The following CNTN3 variants were observed in gnomAD, a reference collection of about 807,000 sequenced individuals.
CNTN3 encodes the protein contactin-3.
A neutral mutation model predicts 119.1 loss-of-function variants in CNTN3; 60 were observed. The observed-to-expected ratio is 0.50, with a 90% CI of 0.41 to 0.62. CNTN3 has a LOEUF of 0.62. CNTN3 is among the 20% of genes least tolerant of loss of function. CNTN3 has a pLI of 0.00. For missense variants in CNTN3, 1,101 were observed against 1,242.4 expected, an observed-to-expected ratio of 0.89 and a Z score of 1.71; for synonymous variants, 450 against 438.7, an observed-to-expected ratio of 1.03 and a Z score of -0.32.
At chr3:74,440,659 T>C (rs1701948291) in intron 4 of CNTN3, among the ~76,000 whole-genome samples, 1 of 152,144 alleles carries the variant, frequency 6.6e-6, no homozygotes, top group Admixed American at 6.5e-5. Flanking sequence ...CTGTTGTTAT[T>C]TATTTTTTTT....
At chr3:74,368,471 A>G (rs1414128099) in intron 8 of CNTN3, among the ~76,000 whole-genome samples, 1 of 152,066 alleles carries the variant, frequency 6.6e-6, no homozygotes, top group Non-Finnish European at 1.5e-5. Context: ...ACGTCTCCAT[A>G]TATTTTATAA....
chr3:74,370,112 A>C (rs1704300550), intron 6 of CNTN3, 121 bp from the exon 7 acceptor site: 3 of 568,558 alleles, frequency 5.3e-6, no homozygotes, highest in Non-Finnish European at 9.3e-6. Context: ...ATTTCAATTA[A>C]ATAAAATTTA....
intron 20 of CNTN3, among the ~76,000 whole-genome samples, chr3:74,278,998 C>A (rs1304790589): frequency 6.6e-6 from 1 of 151,986 alleles, no homozygotes; most frequent in Non-Finnish European, 1.5e-5. Flanking sequence ...GGCCAACCAA[C>A]ATATGAAAAA....
In CNTN3 at chr3:74,302,847, T is replaced by TA. The variant is rs375768202; in HGVS notation, c.1669-41dup. On this transcript the variant is annotated intron_variant, in intron 13 of 22. Coordinates refer to ENST00000263665, the MANE Select transcript of CNTN3 (RefSeq NM_020872.3). Reference sequence around the variant, plus strand: ...GGTAATGAATACACTGTTATTTTTTTAAAAAACACAAAGAAGTTTGAAGTC... The same window carrying TA: ...GGTAATGAATACACTGTTATTTTTTTAAAAAAACACAAAGAAGTTTGAAGTC... The TA allele has an allele frequency of 4.1e-5, 55 of 1,326,728 alleles. 1 individual carries two copies. In the African/African-American group the frequency reaches 4.2e-4, roughly 10 times the overall value. 82.2% of individuals were successfully genotyped at this position (1,326,728 alleles called of 1,614,324 possible). A position where few individuals can be genotyped will look rare whatever the true frequency, so the allele number is the denominator to read the frequency against.
At chr3:74,515,272 C>T (rs1703431946) in intron 2 of CNTN3, among the ~76,000 whole-genome samples, 1 of 151,906 alleles carries the variant, frequency 6.6e-6, no homozygotes, top group East Asian at 1.9e-4. Context: ...TACAGAAAAA[C>T]ATATGTAAAA....
chr3:74,543,949 C>T (rs917292818), intron 1 of CNTN3, among the ~76,000 whole-genome samples: 13 of 152,144 alleles, frequency 8.5e-5, no homozygotes, highest in African/African-American at 1.9e-4. Flanking sequence ...GCTAAAAGAA[C>T]GTATTTTAAA....
chr3:74,594,998 G>A (rs190870003), intron 1 of CNTN3, among the ~76,000 whole-genome samples: 5,741 of 152,168 alleles, frequency 0.038, 158 homozygotes, highest in Non-Finnish European at 0.056. Flanking sequence ...TCTAACTGGC[G>A]TGAGATGGTA....
At chr3:74,366,780 GTATATATATATA>G (rs59223804) in intron 8 of CNTN3, among the ~76,000 whole-genome samples, 6 of 63,704 alleles carry the variant, frequency 9.4e-5, no homozygotes, top group South Asian at 8.7e-4. Context: ...GTGTGTGTGT[GTATATATATATA>G]TATATATATA....
intron 1 of CNTN3, among the ~76,000 whole-genome samples, chr3:74,590,652 T>C (rs1704686326): frequency 6.6e-6 from 1 of 152,080 alleles, no homozygotes; most frequent in Non-Finnish European, 1.5e-5. Context: ...AATTGCCATA[T>C]GGCTTTCAAG....
At chr3:74,539,606 G>A (rs537317405) in intron 1 of CNTN3, among the ~76,000 whole-genome samples, 16 of 151,850 alleles carry the variant, frequency 1.1e-4, no homozygotes, top group East Asian at 1.9e-4. Flanking sequence ...AAATTAATAC[G>A]TCATCATCCA....
At chr3:74,312,842 A>T (rs1197504120) in intron 13 of CNTN3, among the ~76,000 whole-genome samples, 1 of 152,216 alleles carries the variant, frequency 6.6e-6, no homozygotes, top group East Asian at 1.9e-4. Context: ...GCATCAGAAC[A>T]AGAGTAAGAT....
chr3:74,336,761 T>A, intron 11 of CNTN3, 103 bp from the exon 12 acceptor site: 1 of 897,328 alleles, frequency 1.1e-6, no homozygotes, highest in South Asian at 2.4e-5. Context: ...CTAGTATTTT[T>A]AAGGCATGAT....
intron 1 of CNTN3, among the ~76,000 whole-genome samples, chr3:74,597,506 T>G (rs1257309456): frequency 6.6e-6 from 1 of 152,064 alleles, no homozygotes; most frequent in African/African-American, 2.4e-5. Context: ...TCCTTTCACT[T>G]AATTATTCAT....
intron 13 of CNTN3, among the ~76,000 whole-genome samples, chr3:74,318,792 G>T (rs1702904339): frequency 1.3e-5 from 2 of 152,166 alleles, no homozygotes; most frequent in South Asian, 2.1e-4. Context: ...CAGTTAGGCT[G>T]CTCGGGGGTC....
chr3:74,575,606 AACACAC>A (rs71129762), intron 1 of CNTN3, among the ~76,000 whole-genome samples: 61 of 135,170 alleles, frequency 4.5e-4, no homozygotes, highest in African/African-American at 5.9e-4. Context: ...AGTCTCTCCC[AACACAC>A]ACACACACAC....
At chr3:74,586,457 A>C (rs967021045) in intron 1 of CNTN3, among the ~76,000 whole-genome samples, 1 of 152,120 alleles carries the variant, frequency 6.6e-6, no homozygotes, top group Non-Finnish European at 1.5e-5. Context: ...AGAATATAAT[A>C]CGCAATTTAA....
In CNTN3 at chr3:74,610,708, G is replaced by A. The variant is rs993981650; in HGVS notation, c.-81+3683C>T. Among the ~76,000 whole-genome samples, 10 of 152,190 alleles carry A rather than the reference G, an allele frequency of 6.6e-5. 1 individual carries two copies. The East Asian group carries it at 7.7e-4, about 12-fold the overall frequency. On this transcript the variant is annotated intron_variant, in intron 1 of 22. Coordinates refer to ENST00000263665, the MANE Select transcript of CNTN3 (RefSeq NM_020872.3). ...CAGGATGATTTGGGGGAAGAAGTAC[G>A]AAAGGAGCCAAGGAAGCCAGTGTAG...
chr3:74,562,764 C>A (rs1272400725), intron 1 of CNTN3, among the ~76,000 whole-genome samples: 1 of 152,004 alleles, frequency 6.6e-6, no homozygotes, highest in Non-Finnish European at 1.5e-5. Flanking sequence ...TTCCTCCCTG[C>A]TCTGCCTGGA....
intron 3 of CNTN3, among the ~76,000 whole-genome samples, chr3:74,495,575 A>C (rs1703046629): frequency 6.6e-6 from 1 of 151,998 alleles, no homozygotes; most frequent in African/African-American, 2.4e-5. Flanking sequence ...ACAAGAAATA[A>C]ACTCAGACTT....
Sources: gnomAD v4.1 joint callset for allele counts (sites outside exome capture counted in the v4.1 genomes callset) on GRCh38, gnomAD v4.1.1 for gene constraint, MANE v1.5 for transcripts, NCBI Gene and HGNC (gene_info 2026-07-23, HGNC 2026-07-21) for gene names.